The following DHX37 variants were observed in gnomAD, a reference collection of about 807,000 sequenced individuals.
DHX37 encodes probable ATP-dependent RNA helicase DHX37.
DHX37 carries 52 observed loss-of-function variants against 134.3 expected under a neutral mutation model. The observed-to-expected ratio is 0.39, with a 90% CI of 0.31 to 0.49. The LOEUF is 0.49. Among genes scored for constraint, DHX37 ranks in the 20% least tolerant of loss-of-function variants. The pLI, the probability that DHX37 is intolerant of heterozygous loss-of-function variation, is 0.93. For missense variants in DHX37, 1,344 were observed against 1,580.8 expected (o/e 0.85, Z 2.54); for synonymous variants, 634 against 670.7 (o/e 0.95, Z 0.85).
In DHX37 at chr12:124,975,667, C is replaced by T. The variant is rs149856954; in HGVS notation, c.888-156G>A. 1,099 of 258,042 alleles carry T rather than the reference C, an allele frequency of 4.3e-3. 13 individuals carry two copies. The highest frequency in any genetic ancestry group is 0.023 in the African/African-American group (990 of 43,364). 16.0% of individuals were successfully genotyped at this position (258,042 alleles called of 1,614,324 possible). A position where few individuals can be genotyped will look rare whatever the true frequency, so the allele number is the denominator to read the frequency against. ...AGGTTGCACTACTTTTAACAGCAAA[C>T]GGAACAGCCCAAAGGCCAACACATA... On this transcript the variant is annotated intron_variant, in intron 5 of 26. Coordinates refer to ENST00000308736, the MANE Select transcript of DHX37 (RefSeq NM_032656.4).
chr12:124,954,181 C>G lies in DHX37; in HGVS notation c.2484G>C (p.Arg828Ser). Reference protein sequence around the residue: ...RPAASDEELTRLKSKRARVAQ... With the variant: ...RPAASDEELTSLKSKRARVAQ... The stretch of plus-strand genomic sequence containing the variant: ...CCACCCGGGCCCGCTTGCTCTTCAG[C>G]CTGGTGAGCTCCTCGTCACTGGCCG... The change falls in exon 19 of 27, where the codon AGG becomes AGC. Residue 828 changes from arginine (R) to serine (S), a missense_variant. This residue lies in a region of DHX37 where 558 missense variants were observed against 650.0 expected (regional missense o/e 0.86). Transcript: ENST00000308736. The G allele has an allele frequency of 1.9e-6, 3 of 1,610,060 alleles. No individual in the cohort carries two copies. The South Asian group carries it at 3.3e-5, about 18-fold the overall frequency.
intron 18 of DHX37, among the ~76,000 whole-genome samples, chr12:124,955,723 C>A (rs1954079708): frequency 6.6e-6 from 1 of 152,274 alleles, no homozygotes; most frequent in Non-Finnish European, 1.5e-5. Flanking sequence ...ACGTCTGGAA[C>A]TGCACTGGCC....
rs749470961 is a variant in DHX37, at chr12:124,950,672, G to A, written c.2983+18C>T. The stretch of plus-strand genomic sequence containing the variant: ...CGTCACCATCGGGGGACAAGGGGCT[G>A]TCCGCAGGCCTCGGCACCTTTCATG... On this transcript the variant is annotated intron_variant, in intron 22 of 26. Transcript: ENST00000308736. 6.2e-7 allele frequency: 1 copy of A among 1,611,362 alleles called. No individual in the cohort carries two copies. The highest frequency in any genetic ancestry group is 2.2e-5 in the East Asian group (1 of 44,826).
intron 15 of DHX37, among the ~76,000 whole-genome samples, chr12:124,961,259 CACACAT>C (rs1367707687): frequency 0.07 from 8,563 of 123,104 alleles, 856 homozygotes; most frequent in African/African-American, 0.27. Context: ...CACGCACGCA[CACACAT>C]ACACGCGTGC....
chr12:124,970,040 G>A (rs1404489976), intron 8 of DHX37, among the ~76,000 whole-genome samples: 1 of 152,164 alleles, frequency 6.6e-6, no homozygotes, highest in Non-Finnish European at 1.5e-5. Flanking sequence ...TGGCGCGATC[G>A]CGGCTCACTG....
intron 21 of DHX37, 69 bp from the exon 22 acceptor site, chr12:124,950,873 CAGG>C (rs1953965924): frequency 6.7e-7 from 1 of 1,491,812 alleles, no homozygotes; most frequent in African/African-American, 1.5e-5. Context: ...ACTTTCAACC[CAGG>C]AGAAGAATCT....
At chr12:124,965,439 AC>A (rs879862462) in intron 13 of DHX37, among the ~76,000 whole-genome samples, 2 of 152,100 alleles carry the variant, frequency 1.3e-5, no homozygotes, top group Admixed American at 6.5e-5. Context: ...GCTGGGCAAC[AC>A]CCCCAGGCTC....
chr12:124,956,220 C>T (rs1954090885), intron 18 of DHX37, among the ~76,000 whole-genome samples: 2 of 152,144 alleles, frequency 1.3e-5, no homozygotes, highest in African/African-American at 2.4e-5. Flanking sequence ...AAACTGATGG[C>T]GTGAAAGGCG....
chr12:124,959,792 G>A (rs182718897), intron 16 of DHX37, among the ~76,000 whole-genome samples: 1 of 152,364 alleles, frequency 6.6e-6, no homozygotes, highest in East Asian at 1.9e-4. Flanking sequence ...AGGAGACCAT[G>A]TGGGTTCTGT....
At position 124,975,447 on chromosome 12, in the gene DHX37, C is replaced by T; in HGVS notation, c.952G>A (p.Val318Met). ...TGGGACAGATTCATCTCCTTGGCCA[C>T]TCGCTGGGACATGGCCACGGCGGCC... ...RVAAVAMSQR[V>M]AKEMNLSQRV... The change falls in exon 6 of 27, where the codon GTG becomes ATG. Residue 318 changes from valine to methionine, a missense_variant. Transcript: ENST00000308736. 1.2e-6 allele frequency: 2 copies of T among 1,613,058 alleles called. No individual in the cohort carries two copies. Among genetic ancestry groups the T allele is most frequent in the Non-Finnish European group, 1.7e-6 (2 of 1,180,016 alleles).
chr12:124,955,872 T>G (rs1407411100), intron 18 of DHX37, among the ~76,000 whole-genome samples: 1 of 125,390 alleles, frequency 8.0e-6, no homozygotes, highest in Admixed American at 9.5e-5. Flanking sequence ...CGGTATGGAA[T>G]GGCCCATGCA....
intron 8 of DHX37, among the ~76,000 whole-genome samples, chr12:124,971,057 G>T (rs1392164357): frequency 6.6e-6 from 1 of 152,242 alleles, no homozygotes; most frequent in Non-Finnish European, 1.5e-5. Flanking sequence ...TGGATGGGGA[G>T]AAGGACACCA....
intron 6 of DHX37, among the ~76,000 whole-genome samples, chr12:124,973,948 A>AT (rs71092253): frequency 0.65 from 87,792 of 134,308 alleles, 28,197 homozygotes; most frequent in East Asian, 0.78. Flanking sequence ...CAGTCCCCAA[A>AT]TTTTTTTTTT....
chr12:124,968,673 G>C, intron 9 of DHX37, 25 bp from the exon 10 acceptor site: 2 of 1,612,868 alleles, frequency 1.2e-6, no homozygotes, highest in Non-Finnish European at 1.7e-6. Context: ...GGAAGGCATG[G>C]GGAGTGGGGG....
intron 4 of DHX37, among the ~76,000 whole-genome samples, chr12:124,979,812 C>T (rs1954718938): frequency 6.6e-6 from 1 of 152,222 alleles, no homozygotes; most frequent in Admixed American, 6.5e-5. Context: ...CACCTAGAAG[C>T]AAACGTTTGT....
chr12:124,957,861 G>C (rs1954131055), intron 16 of DHX37, among the ~76,000 whole-genome samples: 1 of 152,198 alleles, frequency 6.6e-6, no homozygotes, highest in Non-Finnish European at 1.5e-5. Flanking sequence ...TCTCTGAATG[G>C]AGGAGTGCAT....
Position 124,950,217 on chromosome 12 carries a change from T to C in DHX37, c.3148A>G (p.Ile1050Val), listed in dbSNP as rs1310118481. 2.5e-6 allele frequency: 4 copies of C among 1,613,720 alleles called. No individual in the cohort carries two copies. In the African/African-American group the frequency reaches 4.0e-5, roughly 16 times the overall value. The change falls in exon 24 of 27, where the codon ATC becomes GTC. Residue 1050 changes from isoleucine to valine, a missense_variant. This residue lies in a region of DHX37 where 558 missense variants were observed against 650.0 expected (regional missense o/e 0.86). Transcript: ENST00000308736. The part of the protein sequence containing the change: ...FYRVGWPLPA[I>V]EVDFPEGIDR... The stretch of plus-strand genomic sequence containing the variant: ...ATCCCCTCTGGAAAATCCACCTCGA[T>C]GGCGGGGAGCGGCCAGCCCACGCGA...
chr12:124,955,564 G>A (rs564877709), intron 18 of DHX37, among the ~76,000 whole-genome samples: 7 of 152,124 alleles, frequency 4.6e-5, no homozygotes, highest in Admixed American at 2.0e-4. Flanking sequence ...TGCCTGCCTC[G>A]GCCTCCCAAG....
chr12:124,977,668 T>C (rs1954673976), intron 4 of DHX37, among the ~76,000 whole-genome samples, 178 bp from the exon 5 acceptor site: 1 of 152,048 alleles, frequency 6.6e-6, no homozygotes, highest in Non-Finnish European at 1.5e-5. Context: ...GAGACAGGGA[T>C]CACATCCTTC....
Sources: allele counts gnomAD v4.1 joint callset (sites outside exome capture counted in the v4.1 genomes callset), GRCh38; gene constraint gnomAD v4.1.1; regional missense constraint gnomAD v4.1.1; transcripts MANE v1.5; gene names NCBI Gene and HGNC (gene_info 2026-07-23, HGNC 2026-07-21).